Variants in KIAA0825 observed in about 807,000 individuals in gnomAD.
KIAA0825 encodes the protein KIAA0825, also known as uncharacterized protein KIAA0825.
KIAA0825 carries 119 observed loss-of-function variants against 147.6 expected under a neutral mutation model. That is an observed-to-expected ratio of 0.81 (90% CI 0.69 to 0.94). The LOEUF (loss-of-function observed/expected upper bound fraction) is 0.94, where lower values mean the gene tolerates loss of function less well. Among genes scored for constraint, KIAA0825 ranks in the 40% least tolerant of loss-of-function variants. The pLI, the probability that KIAA0825 is intolerant of heterozygous loss-of-function variation, is 0.00. For missense variants in KIAA0825, 1,381 were observed against 1,472.7 expected, an observed-to-expected ratio of 0.94 and a Z score of 1.02; for synonymous variants, 470 against 518.1, an observed-to-expected ratio of 0.91 and a Z score of 1.26.
intron 20 of KIAA0825, among the ~76,000 whole-genome samples, chr5:94,248,521 G>T (rs1775754945): frequency 6.6e-6 from 1 of 152,156 alleles, no homozygotes; most frequent in Non-Finnish European, 1.5e-5. Flanking sequence ...CCTGTTGCAA[G>T]TCTGAGCTAC....
intron 20 of KIAA0825, among the ~76,000 whole-genome samples, chr5:94,211,719 C>CT (rs929456409): frequency 3.3e-5 from 5 of 152,032 alleles, no homozygotes; most frequent in Non-Finnish European, 5.9e-5. Flanking sequence ...GTATTTTGCC[C>CT]TTTTTTTGTA....
chr5:94,223,111 C>G (rs1191987220), intron 20 of KIAA0825, among the ~76,000 whole-genome samples: 3 of 152,184 alleles, frequency 2.0e-5, no homozygotes, highest in Admixed American at 2.0e-4. Context: ...CCCCAACTAC[C>G]TCTTCCAAAA....
chr5:94,341,389 G>C (rs62364574), intron 20 of KIAA0825, among the ~76,000 whole-genome samples: 8,283 of 152,250 alleles, frequency 0.054, 356 homozygotes, highest in South Asian at 0.2. Flanking sequence ...CTACAAATTA[G>C]CTACCCAGCA....
chr5:94,480,350 A>G (rs1762358047), intron 6 of KIAA0825, among the ~76,000 whole-genome samples: 1 of 152,070 alleles, frequency 6.6e-6, no homozygotes. Context: ...ACATGGAGGT[A>G]TGTATGAAGT....
At chr5:94,187,483 G>C (rs952986755) in intron 20 of KIAA0825, among the ~76,000 whole-genome samples, 2 of 146,706 alleles carry the variant, frequency 1.4e-5, no homozygotes, top group South Asian at 2.2e-4. Context: ...CTGGAGTGCA[G>C]TAGCGAGATC....
At chr5:94,518,874 T>C (rs1408147093) in intron 5 of KIAA0825, among the ~76,000 whole-genome samples, 4 of 152,152 alleles carry the variant, frequency 2.6e-5, no homozygotes, top group Admixed American at 1.3e-4. Flanking sequence ...TTCAACCATA[T>C]GGATCTTTTC....
At chr5:94,587,339 G>A (rs1484126165) in intron 1 of KIAA0825, among the ~76,000 whole-genome samples, 5 of 152,138 alleles carry the variant, frequency 3.3e-5, no homozygotes, top group African/African-American at 7.2e-5. Context: ...AGCAACCTCA[G>A]CAAAGTCTCA....
At chr5:94,459,565 T>C (rs1759553337) in intron 12 of KIAA0825, among the ~76,000 whole-genome samples, 1 of 152,166 alleles carries the variant, frequency 6.6e-6, no homozygotes, top group Non-Finnish European at 1.5e-5. Flanking sequence ...AACAGAACTA[T>C]AAACAGAGCA....
intron 2 of KIAA0825, among the ~76,000 whole-genome samples, chr5:94,576,626 C>T (rs1781101542): frequency 6.6e-6 from 1 of 152,182 alleles, no homozygotes; most frequent in Admixed American, 6.5e-5. Flanking sequence ...GCAAGAAATA[C>T]ATTCCTTTTC....
intron 14 of KIAA0825, among the ~76,000 whole-genome samples, chr5:94,434,543 T>C (rs1047240711): frequency 1.6e-4 from 24 of 152,248 alleles, no homozygotes; most frequent in African/African-American, 5.8e-4. Flanking sequence ...TTAATCTTTA[T>C]AGTACATGGT....
intron 20 of KIAA0825, among the ~76,000 whole-genome samples, chr5:94,376,546 A>T (rs1747602858): frequency 6.6e-6 from 1 of 152,214 alleles, no homozygotes; most frequent in Non-Finnish European, 1.5e-5. Flanking sequence ...TTAGCCCTAC[A>T]AATTCTGAGG....
intron 20 of KIAA0825, among the ~76,000 whole-genome samples, chr5:94,356,318 T>A (rs7705823): frequency 0.21 from 31,585 of 151,938 alleles, 3,826 homozygotes; most frequent in Middle Eastern, 0.27. Context: ...CCTTAAAACA[T>A]GAACTACAGC....
At chr5:94,379,700 C>T (rs1403207081) in intron 20 of KIAA0825, among the ~76,000 whole-genome samples, 1 of 152,034 alleles carries the variant, frequency 6.6e-6, no homozygotes, top group Non-Finnish European at 1.5e-5. Context: ...GCCATTTTAA[C>T]AATATTGATT....
intron 7 of KIAA0825, 73 bp downstream of exon 7, chr5:94,477,038 A>ATTCC (rs1584618232): frequency 1.8e-6 from 2 of 1,083,616 alleles, no homozygotes; most frequent in Non-Finnish European, 2.7e-6. Flanking sequence ...AGACATCTTG[A>ATTCC]TTCATAATGG....
intron 5 of KIAA0825, among the ~76,000 whole-genome samples, chr5:94,496,128 G>A (rs1288935556): frequency 6.6e-6 from 1 of 152,182 alleles, no homozygotes; most frequent in Middle Eastern, 3.2e-3. Flanking sequence ...GTTGGCACGT[G>A]ACAGCTCACG....
In KIAA0825 at chr5:94,153,269, A is replaced by T. The variant is rs1185634664; in HGVS notation, c.*738T>A. On this transcript the variant is annotated 3_prime_UTR_variant, in exon 21 of 21. Transcript: ENST00000682413. ...GAGCTTTGGGGTAAAGATTGCTGGA[A>T]TTAGTTTTGAGCCTAATTTTGGAAG... is the stretch of plus-strand genomic sequence containing the variant. 5 of 152,026 alleles carry T rather than the reference A, an allele frequency of 3.3e-5. No homozygotes were observed. The highest frequency in any genetic ancestry group is 1.2e-4 in the African/African-American group (5 of 41,374). The allele number at this position is 152,026 out of a possible 1,614,324, so 9.4% of individuals were successfully genotyped here.
chr5:94,470,667 T>C (rs929770295), intron 9 of KIAA0825, among the ~76,000 whole-genome samples: 1 of 152,240 alleles, frequency 6.6e-6, no homozygotes, highest in African/African-American at 2.4e-5. Context: ...TGACTACTTA[T>C]GAGAATTAAA....
chr5:94,244,199 C>T (rs528010108), intron 20 of KIAA0825, among the ~76,000 whole-genome samples: 12 of 152,284 alleles, frequency 7.9e-5, no homozygotes, highest in Admixed American at 2.6e-4. Flanking sequence ...TTTCCTTCTT[C>T]GTAAACTATA....
At chr5:94,341,478 C>T (rs1027012961) in intron 20 of KIAA0825, among the ~76,000 whole-genome samples, 1 of 152,178 alleles carries the variant, frequency 6.6e-6, no homozygotes, top group Non-Finnish European at 1.5e-5. Flanking sequence ...CTCAACGAAT[C>T]TGAATCACGG....
Sources: gnomAD v4.1 joint callset for allele counts (sites outside exome capture counted in the v4.1 genomes callset) on GRCh38, gnomAD v4.1.1 for gene constraint, MANE v1.5 for transcripts, NCBI Gene and HGNC (gene_info 2026-07-23, HGNC 2026-07-21) for gene names.